Variants in ARPP21 observed in about 807,000 individuals in gnomAD.
ARPP21 encodes cAMP regulated phosphoprotein 21, also known as cAMP-regulated phosphoprotein 21.
A neutral mutation model predicts 113.2 loss-of-function variants in ARPP21; 69 were observed. That is an observed-to-expected ratio of 0.61 (90% CI 0.50 to 0.74). The LOEUF is 0.74. Ranked by LOEUF, ARPP21 falls within the 30% of genes least tolerant of loss-of-function variation. ARPP21 has a pLI of 0.00. For synonymous variants in ARPP21, 368 were observed against 375.5 expected (o/e 0.98, Z 0.23); for missense variants, 1,070 against 1,037.4 (o/e 1.03, Z -0.43).
At chr3:35,715,605 A>G in intron 12 of ARPP21, 129 bp downstream of exon 12, 2 of 683,720 alleles carry the variant, frequency 2.9e-6, no homozygotes, top group Non-Finnish European at 2.5e-6. Context: ...ACATATATCT[A>G]TGCGTACACA....
intron 9 of ARPP21, among the ~76,000 whole-genome samples, chr3:35,698,990 C>T (rs9848434): frequency 8.6e-5 from 13 of 151,650 alleles, no homozygotes; most frequent in Admixed American, 2.0e-4. Context: ...CTCAAGTGTT[C>T]GGTACTGCGC....
chr3:35,776,717 G>T (rs774048825), intron 19 of ARPP21, among the ~76,000 whole-genome samples: 1 of 152,176 alleles, frequency 6.6e-6, no homozygotes, highest in East Asian at 1.9e-4. Context: ...AATTTTCTCC[G>T]AATACTTGGT....
intron 11 of ARPP21, among the ~76,000 whole-genome samples, chr3:35,712,917 A>T (rs1288122951): frequency 6.6e-6 from 1 of 152,120 alleles, no homozygotes; most frequent in African/African-American, 2.4e-5. Flanking sequence ...TATACTTGAG[A>T]AGGTATGTTT....
chr3:35,734,569 T>C (rs2094214577), intron 15 of ARPP21, among the ~76,000 whole-genome samples: 1 of 152,200 alleles, frequency 6.6e-6, no homozygotes, highest in African/African-American at 2.4e-5. Flanking sequence ...ATGAAACAGA[T>C]CAGAATTTAG....
rs1274169084 is a variant in ARPP21, at chr3:35,748,037, GGA to G, written c.2137+4081_2137+4082del. ...AAAGAAAGAAAGACAGAAAGAGAAAGGAGAGAGAGAAAGAAAAGGAAGAAGGA... is the reference window on the plus strand; with the variant it reads ...AAAGAAAGAAAGACAGAAAGAGAAAGGAGAGAGAAAGAAAAGGAAGAAGGA... On this transcript the variant is annotated intron_variant, in intron 19 of 20. Transcript: ENST00000684406. Among the ~76,000 whole-genome samples the G allele has an allele frequency of 5.9e-5, 7 of 118,180 alleles. No individual in the cohort carries two copies. In the East Asian group the frequency reaches 1.7e-3, roughly 28 times the overall value. The allele number at this position is 118,180 out of a possible 152,430, so 77.5% of individuals were successfully genotyped here.
intron 1 of ARPP21, among the ~76,000 whole-genome samples, chr3:35,674,697 G>C (rs953369832): frequency 6.6e-6 from 1 of 151,792 alleles, no homozygotes; most frequent in African/African-American, 2.4e-5. Flanking sequence ...ATGAAAAATG[G>C]GCCTTAAGGA....
intron 19 of ARPP21, among the ~76,000 whole-genome samples, chr3:35,777,137 T>C (rs1007721475): frequency 3.7e-4 from 57 of 152,170 alleles, no homozygotes; most frequent in Non-Finnish European, 4.0e-4. Context: ...GCCTTTGTTT[T>C]TGGCAGATCC....
At chr3:35,708,844 G>T (rs933451691) in intron 10 of ARPP21, 125 bp from the exon 11 acceptor site, 2 of 673,270 alleles carry the variant, frequency 3.0e-6, no homozygotes, top group African/African-American at 1.8e-5. Context: ...GAAACAGAGA[G>T]AATGAGATTT....
At chr3:35,747,961 A>AAGAG (rs71634571) in intron 19 of ARPP21, among the ~76,000 whole-genome samples, 4 of 147,502 alleles carry the variant, frequency 2.7e-5, no homozygotes, top group South Asian at 2.2e-4. Flanking sequence ...GAAAGAAAGA[A>AAGAG]AGAGAGAGAG....
At chr3:35,688,297 A>G (rs924851573) in intron 6 of ARPP21, among the ~76,000 whole-genome samples, 1 of 151,584 alleles carries the variant, frequency 6.6e-6, no homozygotes, top group Non-Finnish European at 1.5e-5. Context: ...TTCTCAGTTC[A>G]TAAGTGATAT....
chr3:35,728,484 C>G (rs2093703898), intron 14 of ARPP21, among the ~76,000 whole-genome samples: 1 of 150,486 alleles, frequency 6.6e-6, no homozygotes, highest in African/African-American at 2.4e-5. Context: ...TCCCAAAGTG[C>G]TGGGATTACA....
intron 19 of ARPP21, among the ~76,000 whole-genome samples, chr3:35,749,940 C>T (rs2095339468): frequency 6.6e-6 from 1 of 151,862 alleles, no homozygotes; most frequent in African/African-American, 2.4e-5. Flanking sequence ...TTTTTAACTT[C>T]TCTCTTTTTA....
intron 1 of ARPP21, chr3:35,642,062 T>C (rs1341971204): frequency 2.0e-5 from 3 of 152,212 alleles, no homozygotes; most frequent in African/African-American, 7.2e-5. Context: ...TAAATAAACT[T>C]ATACAGCTAA....
chr3:35,698,627 T>C (rs1420497757), intron 9 of ARPP21, among the ~76,000 whole-genome samples: 1 of 151,616 alleles, frequency 6.6e-6, no homozygotes, highest in Non-Finnish European at 1.5e-5. Context: ...AATTCAGTAC[T>C]ACTGTCACTC....
intron 1 of ARPP21, among the ~76,000 whole-genome samples, chr3:35,644,547 A>G (rs1219502826): frequency 2.0e-5 from 3 of 151,978 alleles, no homozygotes; most frequent in African/African-American, 7.2e-5. Context: ...TAGGCATGAC[A>G]TGCTCATATA....
chr3:35,663,421 C>A (rs1708719803), intron 1 of ARPP21, among the ~76,000 whole-genome samples: 1 of 152,220 alleles, frequency 6.6e-6, no homozygotes, highest in African/African-American at 2.4e-5. Flanking sequence ...ATTTAATCCC[C>A]AGACAAATTT....
At chr3:35,727,746 T>A (rs970185188) in intron 14 of ARPP21, among the ~76,000 whole-genome samples, 1 of 152,198 alleles carries the variant, frequency 6.6e-6, no homozygotes, top group Non-Finnish European at 1.5e-5. Flanking sequence ...TGCAGTAATA[T>A]AAATTTTACT....
At chr3:35,766,282 C>T (rs1370220035) in intron 19 of ARPP21, among the ~76,000 whole-genome samples, 2 of 152,128 alleles carry the variant, frequency 1.3e-5, no homozygotes, top group South Asian at 4.1e-4. Flanking sequence ...TGTAAATCTT[C>T]ACAAGTTGGA....
chr3:35,650,739 C>T (rs183919872), intron 1 of ARPP21, among the ~76,000 whole-genome samples: 1 of 152,118 alleles, frequency 6.6e-6, no homozygotes, highest in East Asian at 1.9e-4. Context: ...TCAACCAAGA[C>T]AAATGTATAT....
Sources: gnomAD v4.1 joint callset for allele counts (sites outside exome capture counted in the v4.1 genomes callset) on GRCh38, gnomAD v4.1.1 for gene constraint, MANE v1.5 for transcripts, NCBI Gene and HGNC (gene_info 2026-07-23, HGNC 2026-07-21) for gene names.